The following CEP104 variants were observed in gnomAD, a reference collection of about 807,000 sequenced individuals.
CEP104 encodes centrosomal protein of 104 kDa.
Under a neutral mutation model 113.3 loss-of-function variants are expected in CEP104, and 84 were observed. That is an observed-to-expected ratio of 0.74 (90% CI 0.62 to 0.89). The LOEUF is 0.89. Ranked by LOEUF, CEP104 falls within the 40% of genes least tolerant of loss-of-function variation. The pLI, the probability that CEP104 is intolerant of heterozygous loss-of-function variation, is 0.00. For synonymous variants in CEP104, 378 were observed against 421.7 expected (o/e 0.90, Z 1.27); for missense variants, 1,053 against 1,156.6 (o/e 0.91, Z 1.30).
chr1:3,825,864 A>G lies in CEP104; in HGVS notation c.2258T>C (p.Leu753Ser), dbSNP rs752714079. The change falls in exon 18 of 22, where the codon TTG becomes TCG. Residue 753 changes from leucine to serine, a missense_variant and splice_region_variant. Leu to Ser is a moderately radical substitution (Grantham distance 145). Coordinates refer to ENST00000378230, the MANE Select transcript of CEP104 (RefSeq NM_014704.4). Reference sequence around the variant, plus strand: ...ACTCCTTTCCCCACAAAAAATACACAAACTGAAAGCAAAGCAAAGCAGGAA... The same window carrying G: ...ACTCCTTTCCCCACAAAAAATACACGAACTGAAAGCAAAGCAAAGCAGGAA... ...GIPDEHYLDN[L>S]CIFCGERSES... The G allele has an allele frequency of 1.2e-6, 2 of 1,605,970 alleles. No homozygotes were observed. The highest frequency in any genetic ancestry group is 1.7e-6 in the Non-Finnish European group (2 of 1,172,526).
intron 6 of CEP104, among the ~76,000 whole-genome samples, 181 bp from the exon 7 acceptor site, chr1:3,839,957 G>A (rs1644384532): frequency 6.6e-6 from 1 of 152,116 alleles, no homozygotes; most frequent in South Asian, 2.1e-4. Context: ...GCTCTTAATT[G>A]CAAGCAGGCC....
In CEP104 at chr1:3,837,398, T is replaced by C; in HGVS notation, c.1013A>G (p.Glu338Gly). The change falls in exon 9 of 22, where the codon GAA becomes GGA. Residue 338 changes from glutamate to glycine, a missense_variant. Physicochemically the swap from Glu to Gly is moderately conservative, Grantham distance 98. Coordinates refer to ENST00000378230, the MANE Select transcript of CEP104 (RefSeq NM_014704.4). ...TGAAGGCTTTTCCTGAAGGAAAGGT[T>C]CTGCAAACTGGTTTTCTGTTCCTCT... is the stretch of plus-strand genomic sequence containing the variant. ...EERGTENQFA[E>G]PFLQEKPSSY... is the part of the protein sequence containing the mutation. 3 of 1,614,206 alleles carry C rather than the reference T, an allele frequency of 1.9e-6. No homozygotes were observed. The South Asian group carries it at 3.3e-5, about 18-fold the overall frequency.
chr1:3,826,501 G>A, intron 16 of CEP104, 65 bp from the exon 17 acceptor site: 1 of 1,457,010 alleles, frequency 6.9e-7, no homozygotes, highest in Non-Finnish European at 9.5e-7. Context: ...TTAGTAAGCA[G>A]TTTGATGTGA....
At chr1:3,855,983 C>G in intron 1 of CEP104, 1 of 981,876 alleles carries the variant, frequency 1.0e-6, no homozygotes, top group Non-Finnish European at 1.2e-6. Context: ...TCTCATCCCT[C>G]ACTACACTTT....
At chr1:3,843,199 C>G in intron 6 of CEP104, 1 of 712,992 alleles carries the variant, frequency 1.4e-6, no homozygotes, top group Non-Finnish European at 2.6e-6. Context: ...TTGTCATCCA[C>G]AGCAGGCAGG....
At chr1:3,838,847 G>T in intron 8 of CEP104, 117 bp downstream of exon 8, 1 of 1,093,704 alleles carries the variant, frequency 9.1e-7, no homozygotes, top group Non-Finnish European at 1.3e-6. Context: ...TGTCCCCTGA[G>T]CACTGCAGAG....
chr1:3,823,010 G>C lies in CEP104; in HGVS notation c.2571+164C>G, dbSNP rs1486743782. ...AATCATGTGAACACGTAGGTAAACGGAACGACTGCTCAGACAGGGCTCACT... is the reference window on the plus strand; with the variant it reads ...AATCATGTGAACACGTAGGTAAACGCAACGACTGCTCAGACAGGGCTCACT... On this transcript the variant is annotated intron_variant, in intron 20 of 21. Transcript: ENST00000378230. This position sits in a 1 kb window ranked among gnomAD's most constrained non-coding sequence, Gnocchi z 4.1. 3.0e-6 allele frequency: 2 copies of C among 663,772 alleles called. No homozygotes were observed. Among genetic ancestry groups the C allele is most frequent in the Non-Finnish European group, 2.7e-6 (1 of 374,556 alleles). The allele number at this position is 663,772 out of a possible 1,614,324, so 41.1% of individuals were successfully genotyped here.
At position 3,815,320 on chromosome 1, in the gene CEP104, G is replaced by C; in HGVS notation, c.*82C>G. On this transcript the variant is annotated 3_prime_UTR_variant, in exon 22 of 22. Coordinates refer to ENST00000378230, the MANE Select transcript of CEP104 (RefSeq NM_014704.4). Reference sequence around the variant, plus strand: ...AGCAGCCAGAGCATGGGGCCACCAAGGCCAGAGAGTTCTGGAGAGATGGTG... The same window carrying C: ...AGCAGCCAGAGCATGGGGCCACCAACGCCAGAGAGTTCTGGAGAGATGGTG... The C allele has an allele frequency of 1.8e-6, 2 of 1,088,950 alleles. No homozygotes were observed. The highest frequency in any genetic ancestry group is 2.7e-5 in the South Asian group (2 of 74,374). The allele number at this position is 1,088,950 out of a possible 1,614,324, so 67.5% of individuals were successfully genotyped here. A position where few individuals can be genotyped will look rare whatever the true frequency, so the allele number is the denominator to read the frequency against.
intron 4 of CEP104, 111 bp downstream of exon 4, chr1:3,847,363 GA>G: frequency 9.0e-7 from 1 of 1,107,784 alleles, no homozygotes; most frequent in Non-Finnish European, 1.3e-6. Context: ...TCCCAGAAGA[GA>G]TCCTCTCTTA....
In CEP104 at chr1:3,836,478, T is replaced by TTTTTG; in HGVS notation, c.1317+16_1317+17insCAAAA. 6.9e-7 allele frequency: 1 copy of TTTTTG among 1,457,260 alleles called. No homozygotes were observed. The highest frequency in any genetic ancestry group is 9.0e-7 in the Non-Finnish European group (1 of 1,108,562). The allele number at this position is 1,457,260 out of a possible 1,614,324, so 90.3% of individuals were successfully genotyped here. ...CCCCTCTGCCACCCCGTTTTTTTTT[T>TTTTTG]TTTTTTTTTTTTTTACCAAGGTTTC... On this transcript the variant is annotated intron_variant, in intron 10 of 21. Coordinates refer to ENST00000378230, the MANE Select transcript of CEP104 (RefSeq NM_014704.4).
chr1:3,843,767 T>C (rs953613682), intron 6 of CEP104, among the ~76,000 whole-genome samples: 1 of 151,576 alleles, frequency 6.6e-6, no homozygotes, highest in Non-Finnish European at 1.5e-5. Flanking sequence ...TTGTGGTGTG[T>C]GTTTTTTTTT....
Position 3,825,793 on chromosome 1 carries a change from A to G in CEP104, c.2329T>C (p.Cys777Arg). Residue 777 changes from cysteine to arginine, a missense_variant, in exon 18 of 22, where the codon TGT (cysteine) becomes CGT (arginine). Physicochemically the swap from Cys to Arg is radical, Grantham distance 180. Coordinates refer to ENST00000378230, the MANE Select transcript of CEP104 (RefSeq NM_014704.4). ...TGGTCACATCTTGTCAGCATGAGAC[A>G]GTGCTTCCAGTAGTGGAGATCCAGA... ...EGLDLHYWKH[C>R]LMLTRCDHCK... The G allele has an allele frequency of 6.2e-7, 1 of 1,613,952 alleles. No individual in the cohort carries two copies. Among genetic ancestry groups the G allele is most frequent in the Non-Finnish European group, 8.5e-7 (1 of 1,179,764 alleles).
chr1:3,847,392 T>C, intron 4 of CEP104, 83 bp downstream of exon 4: 1 of 1,283,196 alleles, frequency 7.8e-7, no homozygotes, highest in Non-Finnish European at 1.1e-6. Context: ...ACCTTGAAAA[T>C]GCATCTAAGA....
rs1261293689 is a variant in CEP104 at position 3,837,626 on chromosome 1, G to A, written c.892-107C>T. 1.2e-5 allele frequency: 11 copies of A among 948,066 alleles called. No individual in the cohort carries two copies. In the East Asian group the frequency reaches 2.6e-4, roughly 23 times the overall value. The allele number at this position is 948,066 out of a possible 1,614,324, so 58.7% of individuals were successfully genotyped here. A position where few individuals can be genotyped will look rare whatever the true frequency, so the allele number is the denominator to read the frequency against. ...ACTTTAGAAAGCTGTGCTGGAAGAG[G>A]CTCCTTGGCACAATGAAAAATTTCA... On this transcript the variant is annotated intron_variant, in intron 8 of 21. Coordinates refer to ENST00000378230, the MANE Select transcript of CEP104 (RefSeq NM_014704.4).
At chr1:3,839,875 C>T in intron 6 of CEP104, 99 bp from the exon 7 acceptor site, 1 of 931,676 alleles carries the variant, frequency 1.1e-6, no homozygotes, top group East Asian at 2.5e-5. Flanking sequence ...CATCCTGCCC[C>T]ATCATGGTTC....
chr1:3,847,498 T>C lies in CEP104; in HGVS notation c.403A>G (p.Asn135Asp). 6.2e-7 allele frequency: 1 copy of C among 1,608,630 alleles called. No homozygotes were observed. Among genetic ancestry groups the C allele is most frequent in the Non-Finnish European group, 8.5e-7 (1 of 1,177,822 alleles). ...ACCTGATTATATATGTTGTATTTGT[T>C]GACATGGTTTTGGTGAAAAATCAGT... Reference protein sequence around the residue: ...LKLIFHQNHVNKYNIYNQVAL... With the variant: ...LKLIFHQNHVDKYNIYNQVAL... Residue 135 changes from asparagine to aspartate, a missense_variant, in exon 4 of 22, where the codon AAC becomes GAC. By Grantham distance (23) the Asn-to-Asp change is conservative. Transcript: ENST00000378230.
chr1:3,823,134 G>T lies in CEP104; in HGVS notation c.2571+40C>A. On this transcript the variant is annotated intron_variant, in intron 20 of 21. Coordinates refer to ENST00000378230, the MANE Select transcript of CEP104 (RefSeq NM_014704.4). The surrounding 1 kb of genome is among the most constrained non-coding windows in gnomAD (Gnocchi z 4.1). ...CACCACCACTGCCATCCACAGGTGT[G>T]TCACCTACTTCACTGGTCCCTTCTC... 1 of 1,589,642 alleles carries T rather than the reference G, an allele frequency of 6.3e-7. No homozygotes were observed. Among genetic ancestry groups the T allele is most frequent in the Non-Finnish European group, 8.6e-7 (1 of 1,158,600 alleles).
Position 3,845,279 on chromosome 1 carries a change from C to A in CEP104, c.489+10G>T. On this transcript the variant is annotated intron_variant, in intron 5 of 21. Coordinates refer to ENST00000378230, the MANE Select transcript of CEP104 (RefSeq NM_014704.4). ...TTACTTCCTTAGGAATTAAAACTTTCCAAACTTACAGTATTGCTTTCATCA... is the reference window on the plus strand; with the variant it reads ...TTACTTCCTTAGGAATTAAAACTTTACAAACTTACAGTATTGCTTTCATCA... 6.3e-7 allele frequency: 1 copy of A among 1,577,424 alleles called. No individual in the cohort carries two copies. The highest frequency in any genetic ancestry group is 8.7e-7 in the Non-Finnish European group (1 of 1,155,660).
At chr1:3,826,310 G>A in intron 17 of CEP104, 60 bp downstream of exon 17, 2 of 1,463,912 alleles carry the variant, frequency 1.4e-6, no homozygotes, top group South Asian at 1.1e-5. Context: ...CCTTTCCAGG[G>A]TTTCTGTGTG....
Sources: gnomAD v4.1 joint callset for allele counts (sites outside exome capture counted in the v4.1 genomes callset) on GRCh38, gnomAD v4.1.1 for gene constraint, Gnocchi (gnomAD v3.1) non-coding constraint, MANE v1.5 for transcripts, NCBI Gene and HGNC (gene_info 2026-07-23, HGNC 2026-07-21) for gene names.